Variants in TSNARE1 observed in about 807,000 individuals in gnomAD.
The protein encoded by TSNARE1 is t-SNARE domain-containing protein 1.
A neutral mutation model predicts 62.0 loss-of-function variants in TSNARE1; 49 were observed. That is an observed-to-expected ratio of 0.79 (90% confidence interval 0.63 to 1.00). TSNARE1 has a LOEUF of 1.00. TSNARE1 is among the 50% of genes least tolerant of loss of function. The pLI, the probability that TSNARE1 is intolerant of heterozygous loss-of-function variation, is 0.00. For synonymous variants in TSNARE1, 328 were observed against 294.4 expected (o/e 1.11, Z -1.17); for missense variants, 755 against 700.1 (o/e 1.08, Z -0.88).
At chr8:142,269,578 C>T in intron 12 of TSNARE1, 1 of 984,700 alleles carries the variant, frequency 1.0e-6, no homozygotes, top group Non-Finnish European at 1.2e-6. Flanking sequence ...ATCTTCCTGC[C>T]TCAGCCTCCC....
At chr8:142,395,954 G>T (rs1837862235) in intron 1 of TSNARE1, among the ~76,000 whole-genome samples, 1 of 152,204 alleles carries the variant, frequency 6.6e-6, no homozygotes, top group African/African-American at 2.4e-5. Flanking sequence ...GGTCCAGATG[G>T]AGGGCAGCCA....
intron 13 of TSNARE1, among the ~76,000 whole-genome samples, chr8:142,222,042 C>G (rs1347411629): frequency 9.4e-4 from 140 of 148,448 alleles, no homozygotes; most frequent in Middle Eastern, 3.6e-3. Flanking sequence ...CTCATCCACT[C>G]ATCCACTCAC....
chr8:142,335,613 G>T (rs959570291), intron 4 of TSNARE1, among the ~76,000 whole-genome samples: 1 of 151,874 alleles, frequency 6.6e-6, no homozygotes, highest in Non-Finnish European at 1.5e-5. Context: ...AAAAAGGAAG[G>T]AAGAGAAAGA....
chr8:142,391,330 C>T lies in TSNARE1; in HGVS notation c.-40+11774G>A, dbSNP rs568916927. Among the ~76,000 whole-genome samples, 10 of 149,330 alleles carry T rather than the reference C, an allele frequency of 6.7e-5. 1 individual carries two copies. Among genetic ancestry groups the T allele is most frequent in the African/African-American group, 1.7e-4 (7 of 40,120 alleles). Reference sequence around the variant, plus strand: ...ACACTGCTGGAGACTCTGTAACAGACGCTGTACACTGCTGGGGACTCTGTA... The same window carrying T: ...ACACTGCTGGAGACTCTGTAACAGATGCTGTACACTGCTGGGGACTCTGTA... On this transcript the variant is annotated intron_variant, in intron 1 of 13. Coordinates refer to ENST00000524325, the MANE Select transcript of TSNARE1 (RefSeq NM_145003.5).
At chr8:142,344,914 A>G (rs529933186) in intron 3 of TSNARE1, among the ~76,000 whole-genome samples, 49 of 152,298 alleles carry the variant, frequency 3.2e-4, no homozygotes, top group African/African-American at 1.2e-3. Context: ...ACCTGCCCAC[A>G]GCACAACTAA....
intron 10 of TSNARE1, among the ~76,000 whole-genome samples, chr8:142,287,190 G>T (rs1163939885): frequency 3.4e-5 from 5 of 148,136 alleles, no homozygotes; most frequent in African/African-American, 7.5e-5. Context: ...TGGAACCCAG[G>T]ACCCCGGCCA....
At chr8:142,336,908 AATC>A (rs1226778173) in intron 4 of TSNARE1, among the ~76,000 whole-genome samples, 1 of 152,246 alleles carries the variant, frequency 6.6e-6, no homozygotes, top group Non-Finnish European at 1.5e-5. Context: ...ACTTCTAAAT[AATC>A]ATGTGTAACA....
At chr8:142,272,501 C>T in intron 12 of TSNARE1, 1 of 277,878 alleles carries the variant, frequency 3.6e-6, no homozygotes, top group Non-Finnish European at 5.2e-6. Context: ...TTCTTCCATC[C>T]ATCCACCACC....
intron 12 of TSNARE1, among the ~76,000 whole-genome samples, chr8:142,261,146 AGAGGTAGAAGGGAG>A (rs1818864775): frequency 2.9e-5 from 2 of 68,880 alleles, no homozygotes; most frequent in Non-Finnish European, 5.7e-5. Flanking sequence ...GAAGGAGGAA[AGAGGTAGAAGGGAG>A]GGAGGAGAGA....
chr8:142,395,668 A>G (rs117322269), intron 1 of TSNARE1, among the ~76,000 whole-genome samples: 276 of 152,344 alleles, frequency 1.8e-3, no homozygotes, highest in Admixed American at 6.2e-3. Context: ...GGTACCACGA[A>G]GCAGCAGAAG....
chr8:142,397,022 C>G (rs1351760441), intron 1 of TSNARE1, among the ~76,000 whole-genome samples: 2 of 149,994 alleles, frequency 1.3e-5, no homozygotes, highest in African/African-American at 4.9e-5. Context: ...ACTCCCTGAC[C>G]TTCCACAGCC....
At chr8:142,223,023 G>C (rs796442615) in intron 13 of TSNARE1, among the ~76,000 whole-genome samples, 26 of 9,438 alleles carry the variant, frequency 2.8e-3, no homozygotes, top group South Asian at 6.7e-3. Flanking sequence ...CACTCACTCA[G>C]CCACTCACTC....
chr8:142,377,775 C>A (rs2131153638), intron 1 of TSNARE1, among the ~76,000 whole-genome samples: 1 of 152,284 alleles, frequency 6.6e-6, no homozygotes, highest in South Asian at 2.1e-4. Context: ...TCCAAGGAAT[C>A]CAGACAGAAA....
At chr8:142,280,148 C>G in intron 11 of TSNARE1, 1 of 985,436 alleles carries the variant, frequency 1.0e-6, no homozygotes, top group Non-Finnish European at 1.2e-6. Flanking sequence ...TGGCGCCGCA[C>G]CCTCTGCACC....
chr8:142,248,623 G>A (rs1320355366), intron 12 of TSNARE1, among the ~76,000 whole-genome samples: 5 of 152,234 alleles, frequency 3.3e-5, no homozygotes, highest in African/African-American at 9.6e-5. Context: ...CTGGGGACTC[G>A]TGGCGCTGAG....
At chr8:142,226,649 G>A (rs1288886020) in intron 13 of TSNARE1, among the ~76,000 whole-genome samples, 1 of 152,118 alleles carries the variant, frequency 6.6e-6, no homozygotes. Context: ...AGTCCTGGGG[G>A]GCTGGAGGAA....
chr8:142,369,784 A>T (rs766529376), intron 1 of TSNARE1, among the ~76,000 whole-genome samples: 12 of 152,228 alleles, frequency 7.9e-5, no homozygotes, highest in Non-Finnish European at 1.8e-4. Context: ...CACAGAGAAA[A>T]AAGTGAAAAA....
chr8:142,375,450 G>A (rs182988395), intron 1 of TSNARE1, among the ~76,000 whole-genome samples: 78 of 152,326 alleles, frequency 5.1e-4, no homozygotes, highest in African/African-American at 1.8e-3. Context: ...AGAGGATGGC[G>A]CAGGCCCTGG....
Position 142,314,367 on chromosome 8 carries a change from C to A in TSNARE1, c.1131+17G>T. ...TCCCCTAACAGCCACTGACCATGGT[C>A]AGTACTCGGCACCCACCTGTTTACT... On this transcript the variant is annotated intron_variant, in intron 9 of 13. Transcript: ENST00000524325. 6.2e-7 allele frequency: 1 copy of A among 1,611,990 alleles called. No individual in the cohort carries two copies. The highest frequency in any genetic ancestry group is 1.1e-5 in the South Asian group (1 of 90,718).
Sources: allele counts gnomAD v4.1 joint callset (sites outside exome capture counted in the v4.1 genomes callset), GRCh38; gene constraint gnomAD v4.1.1; transcripts MANE v1.5; gene names NCBI Gene and HGNC (gene_info 2026-07-23, HGNC 2026-07-21).